The following PTPRG variants were observed in gnomAD, a reference collection of about 807,000 sequenced individuals.
The protein encoded by PTPRG is receptor-type tyrosine-protein phosphatase gamma.
Under a neutral mutation model 165.3 loss-of-function variants are expected in PTPRG, and 102 were observed. That is an observed-to-expected ratio of 0.62 (90% confidence interval 0.53 to 0.73). The LOEUF is 0.73. PTPRG is among the 30% of genes least tolerant of loss of function. PTPRG has a pLI of 0.00. For synonymous variants in PTPRG, 675 were observed against 669.5 expected, an observed-to-expected ratio of 1.01 and a Z score of -0.13; for missense variants, 1,866 against 1,861.4, an observed-to-expected ratio of 1.00 and a Z score of -0.05.
At chr3:61,884,323 G>A (rs1250770657) in intron 2 of PTPRG, among the ~76,000 whole-genome samples, 4 of 152,136 alleles carry the variant, frequency 2.6e-5, no homozygotes, top group Non-Finnish European at 5.9e-5. Flanking sequence ...ATACCAGCTC[G>A]GTGAAATGAA....
chr3:62,275,714 G>C (rs939814248), intron 23 of PTPRG, among the ~76,000 whole-genome samples, 159 bp from the exon 24 acceptor site: 1 of 152,208 alleles, frequency 6.6e-6, no homozygotes, highest in African/African-American at 2.4e-5. Flanking sequence ...CTGCACTCCA[G>C]CCTGGGCAAG....
intron 2 of PTPRG, among the ~76,000 whole-genome samples, chr3:61,771,942 C>A (rs2034218002): frequency 1.3e-5 from 2 of 151,662 alleles, no homozygotes; most frequent in Admixed American, 6.6e-5. Flanking sequence ...CGCATGTAAT[C>A]CCAGCTACTC....
chr3:62,056,302 T>C (rs1478422869), intron 4 of PTPRG, among the ~76,000 whole-genome samples: 2 of 152,244 alleles, frequency 1.3e-5, no homozygotes, highest in Non-Finnish European at 2.9e-5. Flanking sequence ...AGGAGTGATA[T>C]TCTATTTAGT....
At chr3:61,874,302 C>T (rs889795765) in intron 2 of PTPRG, among the ~76,000 whole-genome samples, 7 of 152,306 alleles carry the variant, frequency 4.6e-5, no homozygotes, top group African/African-American at 1.4e-4. Flanking sequence ...GGCTCATGCT[C>T]TCATGGTTGA....
intron 2 of PTPRG, among the ~76,000 whole-genome samples, chr3:61,929,662 G>A (rs2039310580): frequency 1.3e-5 from 2 of 152,226 alleles, no homozygotes; most frequent in South Asian, 4.1e-4. Context: ...TTTGAAAAAT[G>A]AGCACAGGTT....
intron 1 of PTPRG, among the ~76,000 whole-genome samples, chr3:61,618,169 C>T (rs954896497): frequency 1.3e-5 from 2 of 152,090 alleles, no homozygotes; most frequent in African/African-American, 4.8e-5. Flanking sequence ...CAGGATCAGC[C>T]ATGTGCTATG....
intron 1 of PTPRG, among the ~76,000 whole-genome samples, chr3:61,631,625 T>A (rs892743536): frequency 6.6e-6 from 1 of 152,220 alleles, no homozygotes; most frequent in African/African-American, 2.4e-5. Context: ...CTTTATATTA[T>A]TTTCCAAAAA....
intron 2 of PTPRG, among the ~76,000 whole-genome samples, chr3:61,756,807 T>C (rs913114085): frequency 8.5e-5 from 13 of 152,314 alleles, no homozygotes; most frequent in African/African-American, 2.4e-4. Flanking sequence ...AAGATTTCAA[T>C]TGTTGCTGTG....
In PTPRG at chr3:61,891,617, G is replaced by A. The variant is rs192132976; in HGVS notation, c.191-98008G>A. On this transcript the variant is annotated intron_variant, in intron 2 of 29. Transcript: ENST00000474889. ...CTTTAAGGTCAAGAATGTTGTTACA[G>A]ATGCTTACCCTCTGGAAAGCACATG... 1.1e-4 allele frequency among the ~76,000 whole-genome samples: 16 copies of A among 152,362 alleles called. No individual in the cohort carries two copies. The East Asian group carries it at 3.1e-3, about 29-fold the overall frequency.
At position 62,254,983 on chromosome 3, in the gene PTPRG, A is replaced by G; in HGVS notation, c.2468-141A>G. The G allele has an allele frequency of 1.7e-6, 1 of 604,128 alleles. No individual in the cohort carries two copies. The highest frequency in any genetic ancestry group is 2.8e-6 in the Non-Finnish European group (1 of 358,734). The allele number at this position is 604,128 out of a possible 1,614,324, so 37.4% of individuals were successfully genotyped here. On this transcript the variant is annotated intron_variant, in intron 15 of 29. Transcript: ENST00000474889. This position sits in a 1 kb window ranked among gnomAD's most constrained non-coding sequence, Gnocchi z 4.6. ...AAAATAAATTCTGAGACTTTTCTTC[A>G]GGACATCTATTTTGTGTGATACAAT...
chr3:62,268,179 A>G (rs1701945616), intron 19 of PTPRG, among the ~76,000 whole-genome samples: 1 of 152,122 alleles, frequency 6.6e-6, no homozygotes, highest in Non-Finnish European at 1.5e-5. Context: ...AGTACAGGGG[A>G]CAGACAACAG....
At chr3:62,253,882 G>A (rs1463826006) in intron 15 of PTPRG, among the ~76,000 whole-genome samples, 1 of 152,128 alleles carries the variant, frequency 6.6e-6, no homozygotes, top group African/African-American at 2.4e-5. Flanking sequence ...TATTTGATAA[G>A]TAACATTTCT....
At chr3:62,043,794 A>G (rs1167009506) in intron 4 of PTPRG, among the ~76,000 whole-genome samples, 1 of 152,164 alleles carries the variant, frequency 6.6e-6, no homozygotes, top group Non-Finnish European at 1.5e-5. Context: ...ACCCTTGTCT[A>G]AGGGGTGGTA....
At chr3:62,178,938 T>G (rs1705543047) in intron 8 of PTPRG, among the ~76,000 whole-genome samples, 1 of 152,222 alleles carries the variant, frequency 6.6e-6, no homozygotes, top group East Asian at 1.9e-4. Flanking sequence ...AGCAGCACAC[T>G]TCCCCTTTTT....
At chr3:61,787,839 G>A (rs1420203700) in intron 2 of PTPRG, among the ~76,000 whole-genome samples, 1 of 151,934 alleles carries the variant, frequency 6.6e-6, no homozygotes, top group African/African-American at 2.4e-5. Context: ...GAACATGACG[G>A]CTTTAGTGAT....
At chr3:61,817,007 A>AT (rs2035784847) in intron 2 of PTPRG, among the ~76,000 whole-genome samples, 2 of 114,416 alleles carry the variant, frequency 1.7e-5, no homozygotes, top group South Asian at 4.8e-4. Flanking sequence ...TATATAATAT[A>AT]AATATATATA....
intron 1 of PTPRG, among the ~76,000 whole-genome samples, chr3:61,689,310 C>G (rs866968920): frequency 6.6e-6 from 1 of 152,330 alleles, no homozygotes; most frequent in Middle Eastern, 3.4e-3. Flanking sequence ...TACATTCACA[C>G]GTTTACACAC....
In PTPRG at chr3:62,277,674, A is replaced by T. The variant is rs1474688526; in HGVS notation, c.3760A>T (p.Ser1254Cys). The stretch of plus-strand genomic sequence containing the variant: ...CATTGTCATGCTGCCAGACAACCAG[A>T]GCTTGGTAAGTAAAGCACATCTGCT... ...QIIVMLPDNQ[S>C]LAEDEFVYWP... The change falls in exon 26 of 30, where the codon AGC becomes TGC. Residue 1254 changes from serine (S) to cysteine (C), a missense_variant. Around this residue, in one of 3 missense-constraint regions of PTPRG, gnomAD observed 1,452 missense variants for 1,463.0 expected, o/e 0.99. Coordinates refer to ENST00000474889, the MANE Select transcript of PTPRG (RefSeq NM_002841.4). 6.2e-7 allele frequency: 1 copy of T among 1,612,354 alleles called. No individual in the cohort carries two copies. The highest frequency in any genetic ancestry group is 8.5e-7 in the Non-Finnish European group (1 of 1,179,168).
intron 2 of PTPRG, among the ~76,000 whole-genome samples, chr3:61,956,300 A>T (rs1454140997): frequency 6.6e-6 from 1 of 152,062 alleles, no homozygotes; most frequent in African/African-American, 2.4e-5. Flanking sequence ...TCTCTCACAC[A>T]CACACACACG....
Sources: gnomAD v4.1 joint callset for allele counts (sites outside exome capture counted in the v4.1 genomes callset) on GRCh38, gnomAD v4.1.1 for gene constraint, gnomAD v4.1.1 regional missense constraint, Gnocchi (gnomAD v3.1) non-coding constraint, MANE v1.5 for transcripts, NCBI Gene and HGNC (gene_info 2026-07-23, HGNC 2026-07-21) for gene names.